Variants in LSAMP observed in about 807,000 individuals in gnomAD.
The protein encoded by LSAMP is limbic system-associated membrane protein.
LSAMP carries 7 observed loss-of-function variants against 38.6 expected under a neutral mutation model. The observed-to-expected ratio is 0.18, with a 90% CI of 0.10 to 0.34. The LOEUF is 0.34. Among genes scored for constraint, LSAMP ranks in the 10% least tolerant of loss-of-function variants. LSAMP has a pLI of 1.00. For missense variants in LSAMP, 313 were observed against 420.0 expected (o/e 0.75, Z 2.23); for synonymous variants, 154 against 166.8 (o/e 0.92, Z 0.59).
At chr3:116,173,910 C>T (rs1304672409) in intron 1 of LSAMP, among the ~76,000 whole-genome samples, 1 of 151,558 alleles carries the variant, frequency 6.6e-6, no homozygotes, top group Non-Finnish European at 1.5e-5. Flanking sequence ...CAATCTATTT[C>T]CTATCCCTTT....
intron 1 of LSAMP, among the ~76,000 whole-genome samples, chr3:116,238,460 G>C (rs2046492408): frequency 6.6e-6 from 1 of 152,170 alleles, no homozygotes; most frequent in Non-Finnish European, 1.5e-5. Flanking sequence ...CATCCTGACT[G>C]ATGCAGGAGT....
At chr3:116,153,616 G>A (rs141647054) in intron 1 of LSAMP, among the ~76,000 whole-genome samples, 17 of 152,126 alleles carry the variant, frequency 1.1e-4, no homozygotes, top group East Asian at 1.9e-4. Flanking sequence ...CAATTAGATC[G>A]TCTCTCACTT....
rs78028030 is a variant in LSAMP, at chr3:116,444,332, C to T, written c.155+545G>A. On this transcript the variant is annotated intron_variant, in intron 1 of 6. Transcript: ENST00000490035. The stretch of plus-strand genomic sequence containing the variant: ...CAGAAAGTCTTCTATCAGAAACCCT[C>T]ACACACAACCTTGATATGTGTGTGT... Among the ~76,000 whole-genome samples, 1,004 of 149,444 alleles carry T rather than the reference C, an allele frequency of 6.7e-3. 12 individuals are homozygous for T. Among genetic ancestry groups the T allele is most frequent in the African/African-American group, 0.023 (936 of 40,192 alleles).
chr3:116,000,252 G>T (rs1939952276), intron 3 of LSAMP, among the ~76,000 whole-genome samples: 1 of 152,064 alleles, frequency 6.6e-6, no homozygotes, highest in Non-Finnish European at 1.5e-5. Flanking sequence ...CTATGCTAGA[G>T]CCCACTGTGG....
rs1553719897 is a variant in LSAMP at position 116,273,683 on chromosome 3, CATAT to C, written c.155+171190_155+171193del. 9.7e-4 allele frequency among the ~76,000 whole-genome samples: 49 copies of C among 50,502 alleles called. 11 individuals are homozygous for C. Among genetic ancestry groups the C allele is most frequent in the African/African-American group, 5.9e-3 (47 of 7,976 alleles). The allele number at this position is 50,502 out of a possible 152,430, so 33.1% of individuals were successfully genotyped here. A position where few individuals can be genotyped will look rare whatever the true frequency, so the allele number is the denominator to read the frequency against. ...GACCACCAAGAGAAAGAGAAAGAGG[CATAT>C]ATATATATATATATATATATACACA... On this transcript the variant is annotated intron_variant, in intron 1 of 6. Coordinates refer to ENST00000490035, the MANE Select transcript of LSAMP (RefSeq NM_002338.5).
intron 3 of LSAMP, 131 bp from the exon 4 acceptor site, chr3:115,852,748 C>T: frequency 3.5e-6 from 3 of 868,646 alleles, no homozygotes; most frequent in Non-Finnish European, 5.0e-6. Context: ...TGTCTGACAT[C>T]AGATTCCACA....
At chr3:116,155,016 T>TG (rs5851995) in intron 1 of LSAMP, among the ~76,000 whole-genome samples, 82,771 of 123,838 alleles carry the variant, frequency 0.67, 23,333 homozygotes, top group East Asian at 0.81. Flanking sequence ...ATGAATGTTT[T>TG]GGTTTTTTTT....
At chr3:116,018,970 T>C (rs981871876) in intron 3 of LSAMP, among the ~76,000 whole-genome samples, 1 of 152,164 alleles carries the variant, frequency 6.6e-6, no homozygotes, top group Admixed American at 6.5e-5. Flanking sequence ...ATTTTCTTGA[T>C]AGATTTCTTC....
chr3:116,334,085 TA>T (rs570717762), intron 1 of LSAMP, among the ~76,000 whole-genome samples: 2 of 151,334 alleles, frequency 1.3e-5, no homozygotes, highest in South Asian at 2.1e-4. Context: ...TCTACAGAAA[TA>T]AAAAAAATTA....
rs1454234380 is a variant in LSAMP at position 116,445,126 on chromosome 3, A to T, written c.-95T>A. 7.7e-7 allele frequency: 1 copy of T among 1,305,178 alleles called. No individual in the cohort carries two copies. The highest frequency in any genetic ancestry group is 1.5e-5 in the African/African-American group (1 of 68,182). 80.8% of individuals were successfully genotyped at this position (1,305,178 alleles called of 1,614,324 possible). A position where few individuals can be genotyped will look rare whatever the true frequency, so the allele number is the denominator to read the frequency against. On this transcript the variant is annotated 5_prime_UTR_variant, in exon 1 of 7. Coordinates refer to ENST00000490035, the MANE Select transcript of LSAMP (RefSeq NM_002338.5). Reference sequence around the variant, plus strand: ...TCACCAACACGGGGCTTTCATCCACAGCGAGCGCAGAGCGGGCTTTGCCAG... The same window carrying T: ...TCACCAACACGGGGCTTTCATCCACTGCGAGCGCAGAGCGGGCTTTGCCAG...
intron 1 of LSAMP, among the ~76,000 whole-genome samples, chr3:116,135,738 C>G (rs1264155479): frequency 1.3e-5 from 2 of 152,108 alleles, no homozygotes; most frequent in Non-Finnish European, 1.5e-5. Flanking sequence ...TTAGTGGTAC[C>G]TCCTTCATTT....
Position 115,807,453 on chromosome 3 carries a change from G to A in LSAMP, c.*2864C>T, listed in dbSNP as rs1933656001. ...TTATATTAAAACTGAGGGAACAAAC[G>A]GTGCTGACATGGCAGACATTTATTT... On this transcript the variant is annotated 3_prime_UTR_variant, in exon 7 of 7. Transcript: ENST00000490035. 2.6e-5 allele frequency: 4 copies of A among 152,004 alleles called. 1 individual carries two copies. In the South Asian group the frequency reaches 6.3e-4, roughly 24 times the overall value. The allele number at this position is 152,004 out of a possible 1,614,324, so 9.4% of individuals were successfully genotyped here.
At chr3:116,378,944 G>T (rs1424196127) in intron 1 of LSAMP, among the ~76,000 whole-genome samples, 1 of 149,658 alleles carries the variant, frequency 6.7e-6, no homozygotes, top group Non-Finnish European at 1.5e-5. Context: ...CATGTCCCAG[G>T]ATTTATGCTT....
At chr3:116,137,777 A>C (rs1346979225) in intron 1 of LSAMP, among the ~76,000 whole-genome samples, 4 of 152,136 alleles carry the variant, frequency 2.6e-5, no homozygotes, top group African/African-American at 7.2e-5. Flanking sequence ...GTTAGAGAAG[A>C]TCAGGCTGAT....
At chr3:115,812,854 G>T (rs1217413094) in intron 6 of LSAMP, among the ~76,000 whole-genome samples, 1 of 152,136 alleles carries the variant, frequency 6.6e-6, no homozygotes, top group Non-Finnish European at 1.5e-5. Flanking sequence ...TCTTGGGAAG[G>T]TTAAGACTAG....
chr3:115,848,176 T>G (rs1356689677), intron 4 of LSAMP, among the ~76,000 whole-genome samples: 3 of 152,170 alleles, frequency 2.0e-5, no homozygotes, highest in African/African-American at 7.2e-5. Flanking sequence ...TATTAAACAG[T>G]TATTTTCCTG....
chr3:115,908,785 A>T (rs1245957403), intron 3 of LSAMP, among the ~76,000 whole-genome samples: 2 of 152,158 alleles, frequency 1.3e-5, no homozygotes, highest in African/African-American at 2.4e-5. Context: ...TAGGTGTCAG[A>T]GACTTTACAG....
chr3:115,869,849 C>A (rs1044415888), intron 3 of LSAMP, among the ~76,000 whole-genome samples: 3 of 151,928 alleles, frequency 2.0e-5, no homozygotes, highest in African/African-American at 7.3e-5. Context: ...ATATGTATAT[C>A]CTTATATATA....
intron 6 of LSAMP, among the ~76,000 whole-genome samples, chr3:115,814,465 T>A (rs1212535095): frequency 6.6e-6 from 1 of 152,244 alleles, no homozygotes; most frequent in African/African-American, 2.4e-5. Flanking sequence ...CCAATTGATT[T>A]GTTTTTCAGA....
Sources: gnomAD v4.1 joint callset for allele counts (sites outside exome capture counted in the v4.1 genomes callset) on GRCh38, gnomAD v4.1.1 for gene constraint, MANE v1.5 for transcripts, NCBI Gene and HGNC (gene_info 2026-07-23, HGNC 2026-07-21) for gene names.